The following PDSS1 variants were observed in gnomAD, a reference collection of about 807,000 sequenced individuals.
The protein encoded by PDSS1 is decaprenyl diphosphate synthase subunit 1, also known as all trans-polyprenyl-diphosphate synthase PDSS1.
PDSS1 carries 43 observed loss-of-function variants against 57.5 expected under a neutral mutation model. The ratio of observed to expected loss-of-function variants is 0.75; its 90% CI spans 0.59 to 0.96. The LOEUF is 0.96. Ranked by LOEUF, PDSS1 falls within the 50% of genes least tolerant of loss-of-function variation. The pLI, the probability that PDSS1 is intolerant of heterozygous loss-of-function variation, is 0.00. For missense variants in PDSS1, 438 were observed against 527.8 expected, an observed-to-expected ratio of 0.83 and a Z score of 1.67; for synonymous variants, 175 against 191.3, an observed-to-expected ratio of 0.91 and a Z score of 0.70.
intron 11 of PDSS1, among the ~76,000 whole-genome samples, chr10:26,745,126 T>C (rs770825170): frequency 7.9e-5 from 12 of 151,902 alleles, no homozygotes; most frequent in Non-Finnish European, 1.3e-4. Flanking sequence ...ATCACGCCAC[T>C]GCATTCCAGC....
chr10:26,709,842 C>T (rs977181861), intron 5 of PDSS1, 74 bp downstream of exon 5: 3 of 1,483,802 alleles, frequency 2.0e-6, no homozygotes, highest in Non-Finnish European at 2.8e-6. Flanking sequence ...CTTACTGTTT[C>T]ATTTCCCATT....
intron 10 of PDSS1, among the ~76,000 whole-genome samples, chr10:26,739,295 C>T (rs1175065232): frequency 6.6e-6 from 1 of 152,210 alleles, no homozygotes; most frequent in Non-Finnish European, 1.5e-5. Flanking sequence ...GGTTTTCCTA[C>T]TCTTAAAAAC....
chr10:26,700,244 C>T (rs1249138306), intron 1 of PDSS1, among the ~76,000 whole-genome samples: 1 of 151,072 alleles, frequency 6.6e-6, no homozygotes, highest in Non-Finnish European at 1.5e-5. Flanking sequence ...GGACTCAAGC[C>T]ATTCCCCCCT....
intron 2 of PDSS1, among the ~76,000 whole-genome samples, chr10:26,704,410 A>T (rs911860149): frequency 6.6e-6 from 1 of 152,142 alleles, no homozygotes; most frequent in South Asian, 2.1e-4. Context: ...AAAGATAGAT[A>T]TGAATATGGA....
Position 26,697,778 on chromosome 10 carries a change from C to A in PDSS1, c.67C>A (p.Pro23Thr). Residue 23 changes from proline to threonine, a missense_variant, in exon 1 of 12, where the codon CCC becomes ACC. This residue lies in a region of PDSS1 where 154 missense variants were observed against 137.0 expected (regional missense o/e 1.12). Coordinates refer to ENST00000376215, the MANE Select transcript of PDSS1 (RefSeq NM_014317.5). Reference protein sequence around the residue: ...SWKPAARSPGPGSPGRAGPLG... With the variant: ...SWKPAARSPGTGSPGRAGPLG... The stretch of plus-strand genomic sequence containing the variant: ...GAAGCCGGCGGCGCGGAGCCCCGGG[C>A]CCGGCTCCCCCGGCCGTGCGGGACC... 1.5e-6 allele frequency: 2 copies of A among 1,297,196 alleles called. No homozygotes were observed. Among genetic ancestry groups the A allele is most frequent in the South Asian group, 4.8e-5 (2 of 41,526 alleles). 80.4% of individuals were successfully genotyped at this position (1,297,196 alleles called of 1,614,324 possible).
intron 10 of PDSS1, among the ~76,000 whole-genome samples, chr10:26,739,579 C>T (rs1588707137): frequency 6.6e-6 from 1 of 152,312 alleles, no homozygotes; most frequent in East Asian, 1.9e-4. Flanking sequence ...TATCTTACCA[C>T]ACTTGCTGGT....
chr10:26,720,232 G>A lies in PDSS1; in HGVS notation c.482G>A (p.Ser161Asn), dbSNP rs1334483288. 2.5e-6 allele frequency: 4 copies of A among 1,612,932 alleles called. No individual in the cohort carries two copies. Among genetic ancestry groups the A allele is most frequent in the Admixed American group, 3.3e-5 (2 of 60,002 alleles). ...CTGTTAATTAGACATGTGCAAGCCA[G>A]CCAGCGCGCCATAGCCTTAATTGCA... ...HHNNSRHVQA[S>N]QRAIALIAEM... The change falls in exon 6 of 12, where the codon AGC (serine) becomes AAC (asparagine). Residue 161 changes from serine to asparagine, a missense_variant. By Grantham distance (46) the Ser-to-Asn change is conservative. This residue lies in a region of PDSS1 where 284 missense variants were observed against 390.7 expected (regional missense o/e 0.73). Transcript: ENST00000376215.
chr10:26,697,866 C>A (rs925820232), intron 1 of PDSS1, 26 bp downstream of exon 1: 8 of 1,285,928 alleles, frequency 6.2e-6, no homozygotes, highest in Admixed American at 3.4e-5. Flanking sequence ...GCGCGCCCGG[C>A]GGGGCTCAGA....
At chr10:26,714,039 G>A (rs539034256) in intron 5 of PDSS1, among the ~76,000 whole-genome samples, 3 of 152,082 alleles carry the variant, frequency 2.0e-5, no homozygotes, top group Admixed American at 6.5e-5. Context: ...CCTCCCTCAG[G>A]TGTCAGTAAT....
intron 5 of PDSS1, chr10:26,715,306 A>G (rs1835527225): frequency 6.6e-6 from 1 of 152,212 alleles, no homozygotes; most frequent in Non-Finnish European, 1.5e-5. Flanking sequence ...AGTGAGAGCA[A>G]GAGGGCTGCA....
intron 8 of PDSS1, among the ~76,000 whole-genome samples, chr10:26,732,493 G>T (rs1365888907): frequency 6.6e-6 from 1 of 151,830 alleles, no homozygotes; most frequent in Non-Finnish European, 1.5e-5. Context: ...GTTCTATTTT[G>T]TTGCCCAGCA....
chr10:26,721,010 A>C (rs1835761701), intron 6 of PDSS1, among the ~76,000 whole-genome samples: 1 of 152,190 alleles, frequency 6.6e-6, no homozygotes, highest in African/African-American at 2.4e-5. Context: ...CTCTACAAAC[A>C]AAAAGTTTGT....
intron 1 of PDSS1, among the ~76,000 whole-genome samples, chr10:26,699,906 C>G (rs1406372117): frequency 2.0e-5 from 3 of 152,154 alleles, no homozygotes; most frequent in Admixed American, 2.0e-4. Context: ...ATTCTGGTGT[C>G]TGCCTCAGGC....
rs535511064 is a variant in PDSS1 at position 26,716,623 on chromosome 10, G to A, written c.468-3595G>A. ...AGAAGAATCACTAAAACAAGGAGGC[G>A]AAGGTTGCAGTGAGTCAAGATTGCG... On this transcript the variant is annotated intron_variant, in intron 5 of 11. Transcript: ENST00000376215. Among the ~76,000 whole-genome samples the A allele has an allele frequency of 3.9e-5, 6 of 151,988 alleles. No individual in the cohort carries two copies. The South Asian group carries it at 8.3e-4, about 21-fold the overall frequency.
At chr10:26,727,340 C>CTTTTTTTTTTTTTT (rs71403885) in intron 8 of PDSS1, among the ~76,000 whole-genome samples, 1 of 100,646 alleles carries the variant, frequency 9.9e-6, no homozygotes, top group African/African-American at 3.7e-5. Context: ...CTCTCTCTCT[C>CTTTTTTTTTTTTTT]TTTTTTTTTT....
Position 26,746,629 on chromosome 10 carries a change from G to GT in PDSS1, c.*162dup. On this transcript the variant is annotated 3_prime_UTR_variant, in exon 12 of 12. Coordinates refer to ENST00000376215, the MANE Select transcript of PDSS1 (RefSeq NM_014317.5). Reference sequence around the variant, plus strand: ...CAATTTATTTTTTTTTATTGCAAAAGTTTTTTCAGAAAACTTTTTAAATGT... The same window carrying GT: ...CAATTTATTTTTTTTTATTGCAAAAGTTTTTTTCAGAAAACTTTTTAAATGT... The GT allele has an allele frequency of 2.6e-6, 2 of 764,064 alleles. No homozygotes were observed. The highest frequency in any genetic ancestry group is 3.3e-5 in the South Asian group (2 of 60,318). The allele number at this position is 764,064 out of a possible 1,614,324, so 47.3% of individuals were successfully genotyped here.
At chr10:26,729,898 T>TG (rs147667726) in intron 8 of PDSS1, among the ~76,000 whole-genome samples, 26,928 of 145,278 alleles carry the variant, frequency 0.19, 2,768 homozygotes, top group Admixed American at 0.23. Flanking sequence ...GGTTAATAGT[T>TG]GGTTCCTTTT....
chr10:26,710,446 C>T (rs1367720647), intron 5 of PDSS1, among the ~76,000 whole-genome samples: 1 of 92,048 alleles, frequency 1.1e-5, no homozygotes, highest in Non-Finnish European at 2.5e-5. Flanking sequence ...AGGGTTTCAC[C>T]GTGTTAGCCA....
intron 2 of PDSS1, among the ~76,000 whole-genome samples, chr10:26,703,791 T>G (rs1382828060): frequency 1.3e-5 from 2 of 152,042 alleles, no homozygotes; most frequent in East Asian, 1.9e-4. Flanking sequence ...CATTGTCATT[T>G]TAATATGGCG....
Sources: gnomAD v4.1 joint callset for allele counts (sites outside exome capture counted in the v4.1 genomes callset) on GRCh38, gnomAD v4.1.1 for gene constraint, gnomAD v4.1.1 regional missense constraint, MANE v1.5 for transcripts, NCBI Gene and HGNC (gene_info 2026-07-23, HGNC 2026-07-21) for gene names.